The following MYLK4 variants were observed in gnomAD, a reference collection of about 807,000 sequenced individuals.
MYLK4 encodes the protein myosin light chain kinase family member 4.
MYLK4 carries 46 observed loss-of-function variants against 48.1 expected under a neutral mutation model. The observed-to-expected ratio is 0.96, with a 90% CI of 0.75 to 1.22. The LOEUF (loss-of-function observed/expected upper bound fraction) is 1.22. MYLK4 is among the 50% of genes most tolerant of loss of function. The pLI is 0.00. For missense variants in MYLK4, 451 were observed against 486.1 expected, an observed-to-expected ratio of 0.93 and a Z score of 0.68; for synonymous variants, 170 against 180.8, an observed-to-expected ratio of 0.94 and a Z score of 0.48.
At position 2,678,231 on chromosome 6, in the gene MYLK4, AATCAG is replaced by A. The variant is rs1761154820; in HGVS notation, c.1024_1028del (p.Leu342Ter). The A allele has an allele frequency of 6.2e-7, 1 of 1,613,880 alleles. No homozygotes were observed. The highest frequency in any genetic ancestry group is 8.5e-7 in the Non-Finnish European group (1 of 1,179,966). ...CGAACTTGCGTTACCTCTTCTCCTT[AATCAG>A]AAGCTTAGAGATGAACTCCTTGGCC... On this transcript the variant is annotated frameshift_variant, in exon 10 of 13. Coordinates refer to ENST00000274643, the MANE Select transcript of MYLK4 (RefSeq NM_001012418.5). LOFTEE classifies it high-confidence loss of function.
chr6:2,737,264 G>A (rs1427617865), intron 2 of MYLK4, among the ~76,000 whole-genome samples: 1 of 152,260 alleles, frequency 6.6e-6, no homozygotes, highest in African/African-American at 2.4e-5. Context: ...AGTGAGCCGA[G>A]ATCGTGCCAC....
intron 8 of MYLK4, 90 bp downstream of exon 8, chr6:2,680,131 C>T: frequency 7.2e-7 from 1 of 1,386,636 alleles, no homozygotes; most frequent in Non-Finnish European, 9.8e-7. Context: ...ATCATGAAAC[C>T]AAAGAGCAGA....
the MYLK4 span, among the ~76,000 whole-genome samples, chr6:2,765,075 C>G: frequency 4.6e-5 from 7 of 152,090 alleles, no homozygotes; most frequent in Non-Finnish European, 7.4e-5. Context: ...CCAACAACCT[C>G]GCGCAGTCCG....
At position 2,666,111 on chromosome 6, in the gene MYLK4, G is replaced by A. The variant is rs1349735943; in HGVS notation, c.*1814C>T. The A allele has an allele frequency of 6.6e-6, 1 of 152,200 alleles. No individual in the cohort carries two copies. The highest frequency in any genetic ancestry group is 1.5e-5 in the Non-Finnish European group (1 of 68,040). 9.4% of individuals were successfully genotyped at this position (152,200 alleles called of 1,614,324 possible). A position where few individuals can be genotyped will look rare whatever the true frequency, so the allele number is the denominator to read the frequency against. ...TAACACGACCACAAAATTCGCATGT[G>A]GCCTTCACCAAATCACGTATTTCCT... On this transcript the variant is annotated 3_prime_UTR_variant, in exon 13 of 13. Transcript: ENST00000274643.
At chr6:2,734,142 T>C (rs752551372) in intron 2 of MYLK4, among the ~76,000 whole-genome samples, 2 of 152,294 alleles carry the variant, frequency 1.3e-5, no homozygotes, top group Admixed American at 1.3e-4. Context: ...ATGCCACACG[T>C]ACTCATGTCT....
chr6:2,686,083 GAA>G, intron 4 of MYLK4, among the ~76,000 whole-genome samples: 1 of 130,574 alleles, frequency 7.7e-6, no homozygotes, highest in Non-Finnish European at 1.6e-5. Context: ...AAAAAAAAAA[GAA>G]GAAAGAAAGA....
At chr6:2,690,231 G>C (rs1192359468) in intron 3 of MYLK4, among the ~76,000 whole-genome samples, 1 of 152,198 alleles carries the variant, frequency 6.6e-6, no homozygotes, top group African/African-American at 2.4e-5. Context: ...AGCTTGCCTG[G>C]CTGCCTGTGT....
intron 2 of MYLK4, among the ~76,000 whole-genome samples, chr6:2,721,146 G>A (rs1427798460): frequency 6.6e-6 from 1 of 152,158 alleles, no homozygotes; most frequent in Admixed American, 6.5e-5. Context: ...GGGTGACAGA[G>A]CAAGACTCTG....
At chr6:2,731,250 G>C (rs1345192477) in intron 2 of MYLK4, among the ~76,000 whole-genome samples, 3 of 145,972 alleles carry the variant, frequency 2.1e-5, no homozygotes, top group Admixed American at 2.0e-4. Flanking sequence ...TGAACTTTTA[G>C]GGGTGACAAA....
chr6:2,700,021 A>G (rs1436605775), intron 2 of MYLK4, among the ~76,000 whole-genome samples: 1 of 152,220 alleles, frequency 6.6e-6, no homozygotes, highest in Admixed American at 6.5e-5. Context: ...GAGTAGTTCG[A>G]TAACACAGAT....
Position 2,715,546 on chromosome 6 carries a change from G to T in MYLK4, c.160-22687C>A, listed in dbSNP as rs565628945. Among the ~76,000 whole-genome samples, 55 of 152,304 alleles carry T rather than the reference G, an allele frequency of 3.6e-4. No homozygotes were observed. The Middle Eastern group carries it at 0.02, about 57-fold the overall frequency. On this transcript the variant is annotated intron_variant, in intron 2 of 12. Transcript: ENST00000274643. ...AAGCGTGGTGTTAACATTACCTGTT[G>T]TATGAGCAGGAGGTTTTTCCCTCCT...
Position 2,663,770 on chromosome 6 carries a change from C to T in MYLK4, c.*4155G>A, listed in dbSNP as rs1159033450. 6.6e-5 allele frequency: 10 copies of T among 152,510 alleles called. No homozygotes were observed. The highest frequency in any genetic ancestry group is 1.2e-4 in the African/African-American group (5 of 41,362). The allele number at this position is 152,510 out of a possible 1,614,324, so 9.4% of individuals were successfully genotyped here. On this transcript the variant is annotated 3_prime_UTR_variant, in exon 13 of 13. Coordinates refer to ENST00000274643, the MANE Select transcript of MYLK4 (RefSeq NM_001012418.5). ...ATATACATGATAGACACAATCACCA[C>T]GTTATGAATCCTTTTTTTAATTTCT... is the stretch of plus-strand genomic sequence containing the variant.
At chr6:2,765,620 G>T in the MYLK4 span, 1 of 1,520,480 alleles carries the variant, frequency 6.6e-7, no homozygotes, top group East Asian at 2.8e-5. Context: ...GGCGGCGGCC[G>T]CCATGGAGGT....
chr6:2,768,963 G>C, the MYLK4 span: 4 of 1,374,064 alleles, frequency 2.9e-6, no homozygotes, highest in Non-Finnish European at 3.9e-6. Flanking sequence ...ACAAACGCTA[G>C]AGACTTACGA....
At chr6:2,765,589 G>A in the MYLK4 span, 25 of 1,463,874 alleles carry the variant, frequency 1.7e-5, no homozygotes, top group Admixed American at 3.9e-4. Context: ...GGTTGCTGCG[G>A]CCGCGCCGGG....
chr6:2,737,816 T>C (rs1447812581), intron 2 of MYLK4, among the ~76,000 whole-genome samples: 1 of 151,946 alleles, frequency 6.6e-6, no homozygotes, highest in African/African-American at 2.4e-5. Context: ...TCACAGACAA[T>C]ATGCCCTATA....
At chr6:2,687,527 T>C (rs1226727108) in intron 4 of MYLK4, among the ~76,000 whole-genome samples, 1 of 152,206 alleles carries the variant, frequency 6.6e-6, no homozygotes, top group Non-Finnish European at 1.5e-5. Context: ...TGCAAATAAC[T>C]ATTCTCGGTT....
chr6:2,751,695 G>A (rs917535251), upstream of MYLK4, among the ~76,000 whole-genome samples: 1 of 151,928 alleles, frequency 6.6e-6, no homozygotes, highest in Non-Finnish European at 1.5e-5. Context: ...GCCCCTCTAT[G>A]CCCCATTCTA....
the MYLK4 span, among the ~76,000 whole-genome samples, chr6:2,762,685 G>T: frequency 6.6e-6 from 1 of 152,224 alleles, no homozygotes; most frequent in East Asian, 1.9e-4. Flanking sequence ...TTAACTTGAT[G>T]AATAAACGCA....
Sources: allele counts gnomAD v4.1 joint callset (sites outside exome capture counted in the v4.1 genomes callset), GRCh38; gene constraint gnomAD v4.1.1; transcripts MANE v1.5; gene names NCBI Gene and HGNC (gene_info 2026-07-23, HGNC 2026-07-21).